Variants in MACROD2 observed in about 807,000 individuals in gnomAD.
MACROD2 encodes ADP-ribose glycohydrolase MACROD2.
In MACROD2, 36 loss-of-function variants were observed where a neutral mutation model predicts 70.4. The observed-to-expected ratio is 0.51, with a 90% CI of 0.39 to 0.68. The LOEUF (loss-of-function observed/expected upper bound fraction) is 0.68, where lower values mean the gene tolerates loss of function less well. MACROD2 is among the 30% of genes least tolerant of loss of function. The pLI, the probability that MACROD2 is intolerant of heterozygous loss-of-function variation, is 0.00. For synonymous variants in MACROD2, 172 were observed against 178.8 expected, an observed-to-expected ratio of 0.96 and a Z score of 0.30; for missense variants, 496 against 538.4, an observed-to-expected ratio of 0.92 and a Z score of 0.78.
chr20:15,713,685 A>G (rs2050661667), intron 8 of MACROD2, among the ~76,000 whole-genome samples: 1 of 152,134 alleles, frequency 6.6e-6, no homozygotes, highest in Non-Finnish European at 1.5e-5. Flanking sequence ...ACCAGGCTCC[A>G]CTTCCAACAT....
At chr20:15,412,253 T>G (rs2046088765) in intron 6 of MACROD2, among the ~76,000 whole-genome samples, 1 of 151,782 alleles carries the variant, frequency 6.6e-6, no homozygotes, top group African/African-American at 2.4e-5. Context: ...ATCTGTGGAG[T>G]TCAGTGGGAT....
intron 4 of MACROD2, among the ~76,000 whole-genome samples, chr20:14,680,232 A>G (rs972302253): frequency 6.6e-6 from 1 of 152,222 alleles, no homozygotes; most frequent in Non-Finnish European, 1.5e-5. Flanking sequence ...GAGTCTATGC[A>G]TATGCAGAGA....
chr20:15,910,167 T>G (rs945063432), intron 10 of MACROD2, among the ~76,000 whole-genome samples: 2 of 152,188 alleles, frequency 1.3e-5, no homozygotes, highest in Non-Finnish European at 2.9e-5. Flanking sequence ...AAAGTCACTT[T>G]CTCTCAAAAT....
chr20:15,193,696 G>A (rs6079700), intron 5 of MACROD2, among the ~76,000 whole-genome samples: 118,879 of 151,700 alleles, frequency 0.78, 47,005 homozygotes, highest in East Asian at 0.96. Flanking sequence ...ATAGCCTGCC[G>A]TCTTGCACGC....
intron 5 of MACROD2, among the ~76,000 whole-genome samples, chr20:14,980,825 T>G (rs2074790228): frequency 6.6e-6 from 1 of 152,176 alleles, no homozygotes; most frequent in Non-Finnish European, 1.5e-5. Flanking sequence ...AATCAGGTCT[T>G]CAGCAAATCA....
intron 6 of MACROD2, among the ~76,000 whole-genome samples, chr20:15,245,032 T>C (rs2077093522): frequency 6.6e-6 from 1 of 152,214 alleles, no homozygotes; most frequent in African/African-American, 2.4e-5. Context: ...ATCATAGACT[T>C]GTCATAAATA....
intron 8 of MACROD2, among the ~76,000 whole-genome samples, chr20:15,622,687 C>T (rs529621921): frequency 4.6e-5 from 7 of 152,260 alleles, no homozygotes; most frequent in East Asian, 1.9e-4. Context: ...ACAAGGCCTA[C>T]GTCATCCACC....
At chr20:14,020,354 T>C (rs2053057861) in intron 2 of MACROD2, among the ~76,000 whole-genome samples, 1 of 152,200 alleles carries the variant, frequency 6.6e-6, no homozygotes, top group South Asian at 2.1e-4. Context: ...ATGCCTGTAA[T>C]CCCAGCTACT....
chr20:14,740,112 T>C lies in MACROD2; in HGVS notation c.418+55153T>C, dbSNP rs543309365. Among the ~76,000 whole-genome samples the C allele has an allele frequency of 2.6e-5, 4 of 152,260 alleles. No individual in the cohort carries two copies. In the East Asian group the frequency reaches 7.7e-4, roughly 29 times the overall value. On this transcript the variant is annotated intron_variant, in intron 5 of 17. Transcript: ENST00000684519. The stretch of plus-strand genomic sequence containing the variant: ...TCTTTATTCTTTAAAGTTCTTCAAA[T>C]AAATACTTTATGAAACAAAAACCAA...
chr20:14,255,434 A>C (rs2082045962), intron 3 of MACROD2, among the ~76,000 whole-genome samples: 1 of 151,896 alleles, frequency 6.6e-6, no homozygotes, highest in Non-Finnish European at 1.5e-5. Context: ...TATCGCAGGG[A>C]CAAAAAAACC....
chr20:14,783,536 C>T (rs934735389), intron 5 of MACROD2, among the ~76,000 whole-genome samples: 4 of 152,030 alleles, frequency 2.6e-5, no homozygotes, highest in South Asian at 2.1e-4. Context: ...GATAATAGTA[C>T]GTACTTTAAT....
chr20:15,527,412 C>T (rs1431709704), intron 8 of MACROD2, among the ~76,000 whole-genome samples: 4 of 151,996 alleles, frequency 2.6e-5, no homozygotes, highest in Non-Finnish European at 5.9e-5. Flanking sequence ...ATAAAGCATC[C>T]GTGTTGAATG....
chr20:14,439,451 A>AATGG (rs1338775289), intron 3 of MACROD2, among the ~76,000 whole-genome samples: 1 of 152,136 alleles, frequency 6.6e-6, no homozygotes, highest in Non-Finnish European at 1.5e-5. Flanking sequence ...GTTATTGAAA[A>AATGG]ATGGAGTTTT....
intron 3 of MACROD2, among the ~76,000 whole-genome samples, chr20:14,471,864 G>A (rs1012582623): frequency 1.3e-5 from 2 of 152,078 alleles, no homozygotes; most frequent in Non-Finnish European, 2.9e-5. Flanking sequence ...AAATGGGACA[G>A]CAAGGTTTTA....
intron 11 of MACROD2, 122 bp downstream of exon 11, chr20:15,933,460 T>TC: frequency 3.5e-6 from 3 of 864,748 alleles, no homozygotes; most frequent in Non-Finnish European, 5.3e-6. Context: ...CCAGTGTTCA[T>TC]TCAGGGTCTC....
At chr20:14,648,621 C>CATAT (rs753035871) in intron 4 of MACROD2, among the ~76,000 whole-genome samples, 33 of 148,812 alleles carry the variant, frequency 2.2e-4, no homozygotes, top group South Asian at 6.3e-4. Context: ...TTTATTTAAA[C>CATAT]ATATATATAT....
At chr20:15,486,754 GA>G (rs1334756546) in intron 7 of MACROD2, among the ~76,000 whole-genome samples, 1 of 152,192 alleles carries the variant, frequency 6.6e-6, no homozygotes, top group East Asian at 1.9e-4. Flanking sequence ...AGATAGGAAT[GA>G]AAACCATCTT....
chr20:14,732,251 A>G (rs544005875), intron 5 of MACROD2, among the ~76,000 whole-genome samples: 2 of 152,262 alleles, frequency 1.3e-5, no homozygotes, highest in Middle Eastern at 3.4e-3. Context: ...CTATTGGGAA[A>G]AATAAAGCAT....
At chr20:14,016,719 G>A (rs753847441) in intron 2 of MACROD2, among the ~76,000 whole-genome samples, 9 of 152,158 alleles carry the variant, frequency 5.9e-5, no homozygotes, top group Middle Eastern at 3.4e-3. Context: ...CTATTGATTT[G>A]TAAATCTCTT....
Sources: allele counts gnomAD v4.1 joint callset (sites outside exome capture counted in the v4.1 genomes callset), GRCh38; gene constraint gnomAD v4.1.1; transcripts MANE v1.5; gene names NCBI Gene and HGNC (gene_info 2026-07-23, HGNC 2026-07-21).